Variants in DNAH5 observed in about 807,000 individuals in gnomAD.
DNAH5 encodes axonemal beta dynein heavy chain 5.
In DNAH5, 372 loss-of-function variants were observed where a neutral mutation model predicts 518.2. The ratio of observed to expected loss-of-function variants is 0.72; its 90% CI spans 0.66 to 0.78. The LOEUF is 0.78. Ranked by LOEUF, DNAH5 falls within the 30% of genes least tolerant of loss-of-function variation. The pLI is 0.00. For synonymous variants in DNAH5, 2,039 were observed against 2,025.9 expected (o/e 1.01, Z -0.17); for missense variants, 5,523 against 5,687.0 (o/e 0.97, Z 0.93).
intron 1 of DNAH5, among the ~76,000 whole-genome samples, chr5:13,950,567 C>G (rs113299066): frequency 3.9e-5 from 6 of 152,180 alleles, no homozygotes; most frequent in Non-Finnish European, 8.8e-5. Flanking sequence ...AGAGCCACCA[C>G]ACCCAGCCGT....
At chr5:13,751,287 T>A in intron 64 of DNAH5, 27 bp from the exon 65 acceptor site, 1 of 1,566,016 alleles carries the variant, frequency 6.4e-7, no homozygotes, top group Non-Finnish European at 8.7e-7. Flanking sequence ...AATTTAAAAG[T>A]AATAAAATAG....
intron 61 of DNAH5, 80 bp from the exon 62 acceptor site, chr5:13,754,418 G>T: frequency 1.3e-6 from 2 of 1,514,774 alleles, no homozygotes; most frequent in Non-Finnish European, 9.2e-7. Flanking sequence ...TGTAGAACAC[G>T]CCATATTATC....
chr5:13,938,955 G>A (rs1779212995), intron 1 of DNAH5, among the ~76,000 whole-genome samples: 4 of 152,134 alleles, frequency 2.6e-5, no homozygotes. Context: ...TGAAATACCT[G>A]GTTATTGGTA....
At chr5:13,800,380 A>G (rs1758561652) in intron 47 of DNAH5, among the ~76,000 whole-genome samples, 2 of 152,212 alleles carry the variant, frequency 1.3e-5, no homozygotes, top group Non-Finnish European at 2.9e-5. Context: ...ATATTCAAAC[A>G]TAAACTCCAC....
At chr5:14,011,759 A>C (rs1372282768) in exon 1 of DNAH5, among the ~76,000 whole-genome samples, 1 of 152,132 alleles carries the variant, frequency 6.6e-6, no homozygotes, top group African/African-American at 2.4e-5. Flanking sequence ...TGCTCTCCGG[A>C]GTCCGCTCAG....
intron 78 of DNAH5, among the ~76,000 whole-genome samples, chr5:13,695,494 G>A (rs940585687): frequency 2.6e-5 from 4 of 152,138 alleles, no homozygotes; most frequent in South Asian, 2.1e-4. Context: ...CAGGAACTAC[G>A]AGGACATGTA....
intron 35 of DNAH5, among the ~76,000 whole-genome samples, chr5:13,837,307 A>G (rs1029648200): frequency 2.6e-5 from 4 of 152,200 alleles, no homozygotes; most frequent in African/African-American, 9.6e-5. Context: ...AGGGGTTTTG[A>G]AGGGAGCATG....
In DNAH5 at chr5:13,742,707, C is replaced by T. The variant is rs138286419; in HGVS notation, c.11212-5212G>A. On this transcript the variant is annotated intron_variant, in intron 65 of 78. Coordinates refer to ENST00000265104, the MANE Select transcript of DNAH5 (RefSeq NM_001369.3). ...TTAATATCATTGTTAACAAATTTGTCGATTAAAGCAATTGCCTATATTCCC... is the reference window on the plus strand; with the variant it reads ...TTAATATCATTGTTAACAAATTTGTTGATTAAAGCAATTGCCTATATTCCC... Among the ~76,000 whole-genome samples, 9 of 151,988 alleles carry T rather than the reference C, an allele frequency of 5.9e-5. No individual in the cohort carries two copies. In the East Asian group the frequency reaches 1.5e-3, roughly 26 times the overall value.
At chr5:13,862,281 A>G (rs1768565152) in intron 29 of DNAH5, among the ~76,000 whole-genome samples, 1 of 152,220 alleles carries the variant, frequency 6.6e-6, no homozygotes, top group Non-Finnish European at 1.5e-5. Context: ...ATAAAACCAG[A>G]GTTACACATG....
At position 13,807,576 on chromosome 5, in the gene DNAH5, C is replaced by T; in HGVS notation, c.7887+15G>A. On this transcript the variant is annotated intron_variant, in intron 47 of 78. Coordinates refer to ENST00000265104, the MANE Select transcript of DNAH5 (RefSeq NM_001369.3). ...ACAAAATTGGGCTTACTGAGCCATACCAAAGAGCCAGTACCTGGAACATCA... is the reference window on the plus strand; with the variant it reads ...ACAAAATTGGGCTTACTGAGCCATATCAAAGAGCCAGTACCTGGAACATCA... 1 of 1,612,654 alleles carries T rather than the reference C, an allele frequency of 6.2e-7. No individual in the cohort carries two copies. Among genetic ancestry groups the T allele is most frequent in the South Asian group, 1.1e-5 (1 of 90,832 alleles).
intron 59 of DNAH5, among the ~76,000 whole-genome samples, chr5:13,765,313 G>A (rs1752372257): frequency 6.6e-6 from 1 of 151,896 alleles, no homozygotes; most frequent in African/African-American, 2.4e-5. Context: ...AATGAAAAAA[G>A]AAAGACTGTC....
At chr5:13,864,131 T>C (rs1434763787) in intron 28 of DNAH5, among the ~76,000 whole-genome samples, 2 of 152,210 alleles carry the variant, frequency 1.3e-5, no homozygotes, top group East Asian at 1.9e-4. Flanking sequence ...TTTTATTCAA[T>C]GGTATTTGCC....
chr5:13,933,584 A>G (rs992512698), intron 1 of DNAH5, among the ~76,000 whole-genome samples: 1 of 152,166 alleles, frequency 6.6e-6, no homozygotes, highest in African/African-American at 2.4e-5. Flanking sequence ...TGAGGTCAGG[A>G]GTTCAAGACC....
intron 55 of DNAH5, among the ~76,000 whole-genome samples, chr5:13,772,415 AT>A (rs1194971230): frequency 2.0e-5 from 3 of 152,178 alleles, no homozygotes; most frequent in Admixed American, 1.3e-4. Context: ...TTCTAAGTAT[AT>A]TTTTCCACAG....
chr5:13,785,997 T>C (rs1373383156), intron 52 of DNAH5, among the ~76,000 whole-genome samples, 182 bp downstream of exon 52: 2 of 152,224 alleles, frequency 1.3e-5, no homozygotes, highest in Non-Finnish European at 2.9e-5. Context: ...CAGGCTCTTA[T>C]TTCAAGTCTA....
chr5:13,901,707 A>G (rs1774652736), intron 13 of DNAH5, 134 bp from the exon 14 acceptor site: 1 of 629,450 alleles, frequency 1.6e-6, no homozygotes, highest in South Asian at 2.7e-5. Context: ...AGATATTTAC[A>G]TGGAATATTA....
At chr5:13,870,061 C>A (rs1342017198) in intron 24 of DNAH5, among the ~76,000 whole-genome samples, 1 of 152,092 alleles carries the variant, frequency 6.6e-6, no homozygotes, top group Non-Finnish European at 1.5e-5. Context: ...AAGACATTTT[C>A]ATCTGGAAAA....
At chr5:13,946,221 AT>A (rs1372973095), upstream of DNAH5, among the ~76,000 whole-genome samples, 2 of 152,172 alleles carry the variant, frequency 1.3e-5, no homozygotes, top group African/African-American at 4.8e-5. Context: ...GCAGCAGCCC[AT>A]TTACAACGCA....
chr5:13,825,407 T>C (rs1485647817), intron 38 of DNAH5, among the ~76,000 whole-genome samples: 1 of 151,646 alleles, frequency 6.6e-6, no homozygotes, highest in African/African-American at 2.4e-5. Flanking sequence ...GATAGCAGCA[T>C]ATCCATGTTC....
Sources: allele counts gnomAD v4.1 joint callset (sites outside exome capture counted in the v4.1 genomes callset), GRCh38; gene constraint gnomAD v4.1.1; transcripts MANE v1.5; gene names NCBI Gene and HGNC (gene_info 2026-07-23, HGNC 2026-07-21).